Variants in LRMDA observed in about 807,000 individuals in gnomAD.
The protein encoded by LRMDA is leucine-rich melanocyte differentiation-associated protein.
In LRMDA, 18 loss-of-function variants were observed where a neutral mutation model predicts 29.8. The ratio of observed to expected loss-of-function variants is 0.60; its 90% CI spans 0.42 to 0.90. LRMDA has a LOEUF of 0.90. Among genes scored for constraint, LRMDA ranks in the 40% least tolerant of loss-of-function variants. The probability of loss-of-function intolerance (pLI) is 0.00; values close to 1 mark genes in which losing one functional copy is unlikely to be tolerated. For synonymous variants in LRMDA, 125 were observed against 109.4 expected (o/e 1.14, Z -0.89); for missense variants, 273 against 273.9 (o/e 1.00, Z 0.02).
At chr10:75,889,981 A>T (rs778031230) in intron 2 of LRMDA, among the ~76,000 whole-genome samples, 1 of 152,192 alleles carries the variant, frequency 6.6e-6, no homozygotes, top group African/African-American at 2.4e-5. Context: ...TGTTCTGGCT[A>T]TTGGTGCTGT....
At chr10:75,926,070 CAG>C (rs1056708843) in intron 2 of LRMDA, among the ~76,000 whole-genome samples, 2 of 152,172 alleles carry the variant, frequency 1.3e-5, no homozygotes, top group African/African-American at 4.8e-5. Flanking sequence ...AGTCTGGTAG[CAG>C]AGTCCATTCT....
chr10:75,786,325 G>T (rs1181684266), intron 2 of LRMDA, among the ~76,000 whole-genome samples: 2 of 152,036 alleles, frequency 1.3e-5, no homozygotes, highest in Non-Finnish European at 2.9e-5. Context: ...TGGGTATTTG[G>T]GGCTCCAGAA....
At chr10:75,744,472 T>A (rs1028698426) in intron 2 of LRMDA, among the ~76,000 whole-genome samples, 1 of 152,208 alleles carries the variant, frequency 6.6e-6, no homozygotes, top group African/African-American at 2.4e-5. Flanking sequence ...CATCATTCTG[T>A]CTACTTGAGT....
intron 5 of LRMDA, among the ~76,000 whole-genome samples, chr10:76,306,009 A>G (rs1420681235): frequency 6.6e-6 from 1 of 152,222 alleles, no homozygotes; most frequent in Non-Finnish European, 1.5e-5. Flanking sequence ...TTTATAATAA[A>G]CACATTAGTA....
At chr10:75,781,612 G>A (rs965178079) in intron 2 of LRMDA, among the ~76,000 whole-genome samples, 2 of 152,156 alleles carry the variant, frequency 1.3e-5, no homozygotes, top group Admixed American at 1.3e-4. Flanking sequence ...AGTGAGGGAA[G>A]CGAGGCTATA....
At chr10:75,906,719 C>T (rs749812489) in intron 2 of LRMDA, among the ~76,000 whole-genome samples, 10 of 152,220 alleles carry the variant, frequency 6.6e-5, no homozygotes, top group Non-Finnish European at 1.2e-4. Flanking sequence ...CCACGGAGTG[C>T]GCTCATTACT....
rs1278894823 is a variant in LRMDA at position 76,496,146 on chromosome 10, A to G, written c.602-61063A>G. 2.7e-5 allele frequency among the ~76,000 whole-genome samples: 2 copies of G among 73,706 alleles called. 1 individual carries two copies. The highest frequency in any genetic ancestry group is 9.0e-5 in the Non-Finnish European group (2 of 22,318). 48.4% of individuals were successfully genotyped at this position (73,706 alleles called of 152,430 possible). ...TGCACCATGGTTTACTAGATTTTCC[A>G]CTCTAGTTGGTGGGAACATGAACTA... On this transcript the variant is annotated intron_variant, in intron 6 of 6. Coordinates refer to ENST00000611255, the MANE Select transcript of LRMDA (RefSeq NM_001305581.2).
At chr10:76,340,835 C>T (rs1369166033) in intron 6 of LRMDA, among the ~76,000 whole-genome samples, 1 of 152,094 alleles carries the variant, frequency 6.6e-6, no homozygotes, top group Non-Finnish European at 1.5e-5. Context: ...AATATTATGA[C>T]TTAGACCAGG....
chr10:75,921,018 A>G (rs1846016987), intron 2 of LRMDA, among the ~76,000 whole-genome samples: 1 of 152,174 alleles, frequency 6.6e-6, no homozygotes, highest in Non-Finnish European at 1.5e-5. Context: ...AAACCAATCA[A>G]ATTAATAATG....
chr10:76,032,681 G>A (rs957810154), intron 2 of LRMDA, among the ~76,000 whole-genome samples: 2 of 152,100 alleles, frequency 1.3e-5, no homozygotes, highest in Admixed American at 1.3e-4. Context: ...TGGTGGAGGG[G>A]GAGGCAGGCA....
At chr10:76,179,644 T>A (rs941273352) in intron 5 of LRMDA, among the ~76,000 whole-genome samples, 45 of 152,330 alleles carry the variant, frequency 3.0e-4, no homozygotes, top group African/African-American at 9.9e-4. Flanking sequence ...TAGGGAGATT[T>A]ATTCTTTGTA....
chr10:75,452,006 C>T (rs1361371264), intron 2 of LRMDA, among the ~76,000 whole-genome samples: 2 of 152,088 alleles, frequency 1.3e-5, no homozygotes, highest in Non-Finnish European at 1.5e-5. Context: ...CAATTCTGTG[C>T]CGTTGGCTTG....
chr10:76,199,460 G>A (rs559640941), intron 5 of LRMDA, among the ~76,000 whole-genome samples: 1 of 152,064 alleles, frequency 6.6e-6, no homozygotes, highest in Non-Finnish European at 1.5e-5. Flanking sequence ...GGATAATACT[G>A]AAGTGTCTAT....
intron 5 of LRMDA, among the ~76,000 whole-genome samples, chr10:76,311,650 C>T (rs7899441): frequency 0.25 from 37,885 of 152,070 alleles, 5,698 homozygotes; most frequent in Non-Finnish European, 0.35. Flanking sequence ...TTTTCCAAAG[C>T]GGCTTTTAAT....
chr10:75,642,321 C>A (rs949350062), intron 2 of LRMDA, among the ~76,000 whole-genome samples: 5 of 152,176 alleles, frequency 3.3e-5, no homozygotes, highest in Admixed American at 6.5e-5. Flanking sequence ...GAATCCCTGA[C>A]TTCAATGTCC....
chr10:76,069,292 C>T (rs1358884527), intron 5 of LRMDA, among the ~76,000 whole-genome samples: 2 of 152,204 alleles, frequency 1.3e-5, no homozygotes, highest in African/African-American at 4.8e-5. Context: ...GCTGGTGCTA[C>T]AATTAGCCCT....
At chr10:76,476,222 C>T (rs1035011303) in intron 6 of LRMDA, among the ~76,000 whole-genome samples, 60 of 152,024 alleles carry the variant, frequency 3.9e-4, no homozygotes, top group African/African-American at 1.3e-3. Flanking sequence ...GGGGATATCA[C>T]CACCGATCCC....
chr10:76,160,178 C>T (rs977674473), intron 5 of LRMDA, among the ~76,000 whole-genome samples: 6 of 149,540 alleles, frequency 4.0e-5, no homozygotes, highest in Non-Finnish European at 7.4e-5. Context: ...ATTTTGCTTT[C>T]GAATTTAAAA....
chr10:75,514,277 T>C (rs997269651), intron 2 of LRMDA, among the ~76,000 whole-genome samples: 7 of 151,478 alleles, frequency 4.6e-5, no homozygotes, highest in African/African-American at 1.2e-4. Context: ...CCCTCCTCCT[T>C]CTTCCTTCCT....
Sources: gnomAD v4.1 joint callset for allele counts (sites outside exome capture counted in the v4.1 genomes callset) on GRCh38, gnomAD v4.1.1 for gene constraint, MANE v1.5 for transcripts, NCBI Gene and HGNC (gene_info 2026-07-23, HGNC 2026-07-21) for gene names.